Variants in SP100 observed in about 807,000 individuals in gnomAD.
SP100 encodes the protein nuclear autoantigen Sp-100.
SP100 carries 84 observed loss-of-function variants against 130.0 expected under a neutral mutation model. The ratio of observed to expected loss-of-function variants is 0.65; its 90% CI spans 0.54 to 0.77. SP100 has a LOEUF of 0.77. Ranked by LOEUF, SP100 falls within the 30% of genes least tolerant of loss-of-function variation. The probability of loss-of-function intolerance (pLI) is 0.00; values close to 1 mark genes in which losing one functional copy is unlikely to be tolerated. For missense variants in SP100, 978 were observed against 1,052.2 expected (o/e 0.93, Z 0.97); for synonymous variants, 331 against 351.7 (o/e 0.94, Z 0.66).
At chr2:230,471,142 A>C (rs1411460570) in intron 15 of SP100, among the ~76,000 whole-genome samples, 2 of 152,210 alleles carry the variant, frequency 1.3e-5, no homozygotes, top group Non-Finnish European at 2.9e-5. Context: ...ACAGAACATC[A>C]TTGATGGAAA....
chr2:230,473,810 T>C (rs905613321), intron 16 of SP100, among the ~76,000 whole-genome samples: 3 of 151,732 alleles, frequency 2.0e-5, no homozygotes, highest in Admixed American at 2.0e-4. Context: ...CTGGTAAACA[T>C]AGTAGTATCT....
chr2:230,502,975 A>G, intron 19 of SP100, 91 bp from the exon 20 acceptor site: 1 of 980,656 alleles, frequency 1.0e-6, no homozygotes, highest in Non-Finnish European at 1.6e-6. Context: ...TCTAGACAGG[A>G]TCCTGAAAAG....
At chr2:230,466,184 CAAAAAAA>C (rs57983447) in intron 11 of SP100, 110 bp from the exon 12 acceptor site, 2 of 258,206 alleles carry the variant, frequency 7.7e-6, no homozygotes, top group African/African-American at 7.4e-5. Context: ...GACTCCATCT[CAAAAAAA>C]AAAAAAAAAA....
At chr2:230,474,845 G>A (rs1019349271) in intron 17 of SP100, among the ~76,000 whole-genome samples, 1 of 152,018 alleles carries the variant, frequency 6.6e-6, no homozygotes, top group Non-Finnish European at 1.5e-5. Flanking sequence ...CATCCATGTT[G>A]CTGCGAAGGG....
chr2:230,501,609 C>T (rs2067028139), intron 19 of SP100, among the ~76,000 whole-genome samples: 1 of 152,108 alleles, frequency 6.6e-6, no homozygotes, highest in African/African-American at 2.4e-5. Flanking sequence ...AGCCTAATCT[C>T]GTCATAATTT....
chr2:230,469,920 C>T (rs2065185067), intron 14 of SP100, 95 bp from the exon 15 acceptor site: 1 of 1,512,910 alleles, frequency 6.6e-7, no homozygotes, highest in Non-Finnish European at 8.9e-7. Context: ...CCCTCCTCCA[C>T]AAGCTTCTCT....
chr2:230,474,398 C>A lies in SP100; in HGVS notation c.1551C>A (p.Thr517=). 2 of 1,526,016 alleles carry A rather than the reference C, an allele frequency of 1.3e-6. No individual in the cohort carries two copies. Among genetic ancestry groups the A allele is most frequent in the Non-Finnish European group, 1.8e-6 (2 of 1,108,030 alleles). The allele number at this position is 1,526,016 out of a possible 1,614,324, so 94.5% of individuals were successfully genotyped here. ...CCACTACCTGTCACTTTCTAGATAC[C>A]ATGGATGTTGAAAACAATTCTACTT... ...ESSQASDMMD[T]MDVENNSTLE... is the part of the protein sequence containing the mutation. Residue 517 remains threonine (T), a synonymous_variant, in exon 17 of 29, where the codon ACC becomes ACA. Transcript: ENST00000340126.
intron 6 of SP100, 75 bp from the exon 7 acceptor site, chr2:230,449,486 G>C: frequency 6.6e-7 from 1 of 1,526,638 alleles, no homozygotes; most frequent in Non-Finnish European, 9.1e-7. Context: ...TCAGTGGCCC[G>C]TGCTGTAGTG....
chr2:230,431,526 G>A (rs1278877362), intron 2 of SP100, among the ~76,000 whole-genome samples: 1 of 152,166 alleles, frequency 6.6e-6, no homozygotes. Flanking sequence ...TTTCACAAAG[G>A]CATCCTTGTC....
At chr2:230,475,555 G>A (rs1322206722) in intron 17 of SP100, among the ~76,000 whole-genome samples, 1 of 152,078 alleles carries the variant, frequency 6.6e-6, no homozygotes, top group African/African-American at 2.4e-5. Flanking sequence ...GGTCCCACTT[G>A]TCAGTTTTTG....
At chr2:230,416,435 A>G (rs1224680616) in intron 1 of SP100, 107 bp downstream of exon 1, 35 of 937,898 alleles carry the variant, frequency 3.7e-5, no homozygotes, top group Non-Finnish European at 5.6e-5. Flanking sequence ...CTTCTTTGCA[A>G]GAACATAGGT....
rs766516858 is a variant in SP100 at position 230,462,477 on chromosome 2, AG to A, written c.1017del (p.Glu339AspfsTer3). On this transcript the variant is annotated frameshift_variant, in exon 10 of 29. Transcript: ENST00000340126. LOFTEE classifies it high-confidence loss of function. ...TCTGAAGGATCCACTGACGTTGATG[AG>A]CCCTTAGAAGTCTTCATCTCAGCAC... ...EDSEGSTDVD[E>X]PLEVFISAPR... is the part of the protein sequence containing the mutation. 6.2e-7 allele frequency: 1 copy of A among 1,613,828 alleles called. No individual in the cohort carries two copies. The highest frequency in any genetic ancestry group is 8.5e-7 in the Non-Finnish European group (1 of 1,179,862).
chr2:230,525,770 G>A (rs986019988), intron 24 of SP100, among the ~76,000 whole-genome samples: 14 of 152,208 alleles, frequency 9.2e-5, no homozygotes, highest in East Asian at 3.9e-4. Context: ...AGCAGGTCCC[G>A]CACCCACAGA....
chr2:230,436,452 TG>T (rs2063270313), intron 2 of SP100, among the ~76,000 whole-genome samples: 1 of 129,250 alleles, frequency 7.7e-6, no homozygotes, highest in Admixed American at 8.1e-5. Context: ...CTCATGATAA[TG>T]AGTGAGTTCT....
In SP100 at chr2:230,544,790, C is replaced by T. The variant is rs772476499; in HGVS notation, c.*1844C>T. On this transcript the variant is annotated 3_prime_UTR_variant, in exon 29 of 29. Transcript: ENST00000340126. ...GCCACCATGCCCGGATGAAAAGACA[C>T]TTTCCAAAAGAAGATACACATGCGG... Among the ~76,000 whole-genome samples the T allele has an allele frequency of 1.1e-4, 17 of 152,214 alleles. No individual in the cohort carries two copies. The highest frequency in any genetic ancestry group is 3.4e-4 in the African/African-American group (14 of 41,452).
rs755545681 is a variant in SP100 at position 230,461,342 on chromosome 2, C to A, written c.901C>A (p.Pro301Thr). The change falls in exon 9 of 29, where the codon CCA (proline) becomes ACA (threonine). Residue 301 changes from proline to threonine, a missense_variant. Transcript: ENST00000340126. ...ACTGGTGGATATAAAAAAGGAAAAG[C>A]CATTTTCTAATTCAAAAGTTGAGTG... ...VRLVDIKKEK[P>T]FSNSKVECQA... 3.3e-5 allele frequency: 53 copies of A among 1,614,050 alleles called. 1 individual carries two copies. In the South Asian group the frequency reaches 5.3e-4, roughly 16 times the overall value.
chr2:230,513,031 G>T (rs1690710323), intron 24 of SP100, among the ~76,000 whole-genome samples: 1 of 152,216 alleles, frequency 6.6e-6, no homozygotes, highest in African/African-American at 2.4e-5. Context: ...GCAATGGGGA[G>T]CTGCTGTAAA....
chr2:230,511,509 A>G (rs986828414), intron 24 of SP100, among the ~76,000 whole-genome samples: 1 of 152,208 alleles, frequency 6.6e-6, no homozygotes, highest in Non-Finnish European at 1.5e-5. Context: ...GTCAGAAAAT[A>G]AAAGCATTTT....
chr2:230,441,067 C>T (rs1044764073), intron 2 of SP100, among the ~76,000 whole-genome samples: 1 of 151,988 alleles, frequency 6.6e-6, no homozygotes, highest in African/African-American at 2.4e-5. Flanking sequence ...ATTCACCATA[C>T]ATAAATCAGA....
Sources: gnomAD v4.1 joint callset for allele counts (sites outside exome capture counted in the v4.1 genomes callset) on GRCh38, gnomAD v4.1.1 for gene constraint, MANE v1.5 for transcripts, NCBI Gene and HGNC (gene_info 2026-07-23, HGNC 2026-07-21) for gene names.